Variants in ADGRG4 observed in about 807,000 individuals in gnomAD.
ADGRG4 encodes G protein-coupled receptor 112.
In ADGRG4, 122 loss-of-function variants were observed where a neutral mutation model predicts 126.2. The observed-to-expected ratio is 0.97, with a 90% CI of 0.83 to 1.12. The LOEUF is 1.12. ADGRG4 is among the 50% of genes most tolerant of loss of function. The probability of loss-of-function intolerance (pLI) is 0.00; values close to 1 mark genes in which losing one functional copy is unlikely to be tolerated. For missense variants in ADGRG4, 2,481 were observed against 2,251.8 expected, an observed-to-expected ratio of 1.10 and a Z score of -2.06; for synonymous variants, 943 against 838.7, an observed-to-expected ratio of 1.12 and a Z score of -2.15.
In ADGRG4 at chrX:136,388,586, G is replaced by A. The variant is rs144831785; in HGVS notation, c.7911+712G>A. The stretch of plus-strand genomic sequence containing the variant: ...GTGTATTTAAAGTGCTTACAATACC[G>A]CTTGGCACATAAGTACCATGTTAAG... On this transcript the variant is annotated intron_variant, in intron 16 of 25. Coordinates refer to ENST00000394143, the MANE Select transcript of ADGRG4 (RefSeq NM_153834.4). Among the ~76,000 whole-genome samples the A allele has an allele frequency of 3.1e-3, 350 of 111,800 alleles. 1 individual carries two copies. Among genetic ancestry groups the A allele is most frequent in the African/African-American group, 0.011 (338 of 30,805 alleles).
intron 21 of ADGRG4, among the ~76,000 whole-genome samples, chrX:136,400,758 G>A (rs1195806347): frequency 8.9e-6 from 1 of 112,296 alleles, no homozygotes; most frequent in East Asian, 2.8e-4. Context: ...CACACCTCAT[G>A]ACTGTGATGA....
intron 15 of ADGRG4, among the ~76,000 whole-genome samples, chrX:136,375,109 C>A (rs2075217907): frequency 9.0e-6 from 1 of 111,146 alleles, no homozygotes; most frequent in South Asian, 3.9e-4. Flanking sequence ...AGTCTAGCTC[C>A]TACTTATAAG....
rs141007231 is a variant in ADGRG4, at chrX:136,345,738, C to T, written c.2032C>T (p.Pro678Ser). 4.1e-6 allele frequency: 5 copies of T among 1,209,482 alleles called. No individual in the cohort carries two copies. The African/African-American group carries it at 7.0e-5, about 17-fold the overall frequency. The change falls in exon 6 of 26, where the codon CCT becomes TCT. Residue 678 changes from proline (P) to serine (S), a missense_variant. Coordinates refer to ENST00000394143, the MANE Select transcript of ADGRG4 (RefSeq NM_153834.4). The part of the protein sequence containing the change: ...MNTTTILTFV[P>S]NENFTSAFHE... Reference sequence around the variant, plus strand: ...CACAACCACCATACTCACATTTGTGCCTAATGAAAATTTTACATCAGCATT... The same window carrying T: ...CACAACCACCATACTCACATTTGTGTCTAATGAAAATTTTACATCAGCATT...
Position 136,348,152 on chromosome X carries a change from C to T in ADGRG4, c.4446C>T (p.Ser1482=), listed in dbSNP as rs188598421. The change falls in exon 6 of 26, where the codon TCC becomes TCT. Residue 1482 remains serine (S), a synonymous_variant. Transcript: ENST00000394143. ...GLYNDGFTVL[S]DRITTAFSVP... ...ATAATGACGGTTTTACAGTTCTCTC[C>T]GACAGGATCACTACAGCCTTTTCTG... 2.9e-5 allele frequency: 35 copies of T among 1,207,580 alleles called. No individual in the cohort carries two copies. Among genetic ancestry groups the T allele is most frequent in the Non-Finnish European group, 3.8e-5 (34 of 893,242 alleles).
Position 136,335,499 on chromosome X carries a change from G to T in ADGRG4, c.686-8893G>T, listed in dbSNP as rs542692983. 2.0e-4 allele frequency among the ~76,000 whole-genome samples: 22 copies of T among 110,979 alleles called. No homozygotes were observed. In the East Asian group the frequency reaches 5.4e-3, roughly 27 times the overall value. On this transcript the variant is annotated intron_variant, in intron 5 of 25. Transcript: ENST00000394143. ...TCCAGTGAAATCATGTGGGCCTGGA[G>T]ATTATTTTGTGAAGGCTTTTAAATT... is the stretch of plus-strand genomic sequence containing the variant.
intron 24 of ADGRG4, among the ~76,000 whole-genome samples, chrX:136,413,105 T>C (rs1603301586): frequency 9.1e-6 from 1 of 110,259 alleles, no homozygotes; most frequent in Non-Finnish European, 1.9e-5. Context: ...TTTTTTATTA[T>C]ACTTTAAGTT....
rs1569330659 is a variant in ADGRG4, at chrX:136,371,504, C to T, written c.7573C>T (p.Gln2525Ter). 1 of 1,194,385 alleles carries T rather than the reference C, an allele frequency of 8.4e-7. No homozygotes were observed. The highest frequency in any genetic ancestry group is 1.1e-6 in the Non-Finnish European group (1 of 884,629). ...LQIINVVLEK[Q>*]NNSASDLHEI... is the part of the protein sequence containing the mutation. ...AATAATCAACGTTGTTTTGGAAAAG[C>T]AAAACAATTCCGCCTCTGATCTGCA... Residue 2525 changes from glutamine (Q) to a stop codon, truncating the protein, a stop_gained, in exon 14 of 26, where the codon CAA (glutamine) becomes TAA (stop). Coordinates refer to ENST00000394143, the MANE Select transcript of ADGRG4 (RefSeq NM_153834.4). LOFTEE classifies it high-confidence loss of function.
intron 16 of ADGRG4, among the ~76,000 whole-genome samples, chrX:136,389,060 C>G (rs1472340200): frequency 8.9e-6 from 1 of 111,817 alleles, no homozygotes; most frequent in Non-Finnish European, 1.9e-5. Context: ...CACGCCACCT[C>G]AAATATACCA....
chrX:136,403,169 C>G (rs1487342379), intron 21 of ADGRG4, 75 bp from the exon 22 acceptor site: 1 of 734,905 alleles, frequency 1.4e-6, no homozygotes, highest in African/African-American at 2.1e-5. Flanking sequence ...CTTAATGTAT[C>G]ATCACCCACA....
intron 18 of ADGRG4, among the ~76,000 whole-genome samples, chrX:136,394,485 A>G (rs2075336091): frequency 8.9e-6 from 1 of 111,925 alleles, no homozygotes; most frequent in African/African-American, 3.3e-5. Context: ...TCGGCTCCCT[A>G]GAGTATAAGA....
intron 10 of ADGRG4, among the ~76,000 whole-genome samples, chrX:136,358,947 G>T (rs1205278191): frequency 1.8e-5 from 2 of 111,973 alleles, no homozygotes; most frequent in African/African-American, 3.2e-5. Context: ...AGAATAAAAG[G>T]TTCTCTCTGA....
chrX:136,315,392 C>T (rs887905066), intron 4 of ADGRG4, among the ~76,000 whole-genome samples: 1 of 111,203 alleles, frequency 9.0e-6, no homozygotes, highest in Non-Finnish European at 1.9e-5. Flanking sequence ...ACTCCCTCCT[C>T]AAGTGAGTAT....
At position 136,323,157 on chromosome X, in the gene ADGRG4, C is replaced by A; in HGVS notation, c.450C>A (p.His150Gln). The A allele has an allele frequency of 8.3e-7, 1 of 1,211,793 alleles. No homozygotes were observed. Among genetic ancestry groups the A allele is most frequent in the Non-Finnish European group, 1.1e-6 (1 of 895,436 alleles). Residue 150 changes from histidine to glutamine, a missense_variant, in exon 5 of 26, where the codon CAC becomes CAA. By Grantham distance (24) the His-to-Gln change is conservative (BLOSUM62 0). Transcript: ENST00000394143. ...ERILEVTDQP[H>Q]NLTPHGTLFL... ...TACTGGAAGTAACGGATCAACCACA[C>A]AACCTGACACCTCATGGGACTCTGT...
intron 15 of ADGRG4, among the ~76,000 whole-genome samples, chrX:136,385,464 G>C (rs1313394626): frequency 9.0e-6 from 1 of 111,552 alleles, no homozygotes; most frequent in East Asian, 2.8e-4. Context: ...TGTTTTGTTT[G>C]TTTCTGTTTC....
At chrX:136,304,293 A>T (rs1304791431) in intron 2 of ADGRG4, 86 bp downstream of exon 2, 1 of 111,664 alleles carries the variant, frequency 9.0e-6, no homozygotes, top group African/African-American at 3.3e-5. Context: ...CATTTGTGCT[A>T]TGTTGGATTT....
intron 15 of ADGRG4, among the ~76,000 whole-genome samples, chrX:136,381,767 T>C (rs1035833747): frequency 9.0e-6 from 1 of 110,956 alleles, no homozygotes; most frequent in African/African-American, 3.3e-5. Context: ...GGTCCCACAA[T>C]AGGCTGTCTG....
chrX:136,317,374 C>T (rs2074811334), intron 4 of ADGRG4, among the ~76,000 whole-genome samples: 1 of 108,155 alleles, frequency 9.2e-6, no homozygotes, highest in South Asian at 4.1e-4. Flanking sequence ...GTGGTACATG[C>T]CTGTATTCCC....
At chrX:136,340,827 C>A (rs2074974541) in intron 5 of ADGRG4, among the ~76,000 whole-genome samples, 1 of 111,725 alleles carries the variant, frequency 9.0e-6, no homozygotes. Flanking sequence ...AATATAATCT[C>A]CAAGTCCTGG....
At chrX:136,403,655 T>C (rs1398681045) in intron 22 of ADGRG4, among the ~76,000 whole-genome samples, 18 of 112,288 alleles carry the variant, frequency 1.6e-4, no homozygotes, top group Non-Finnish European at 3.4e-4. Flanking sequence ...AACTGGCAGG[T>C]ATTATGATTA....
Sources: allele counts gnomAD v4.1 joint callset (sites outside exome capture counted in the v4.1 genomes callset), GRCh38; gene constraint gnomAD v4.1.1; transcripts MANE v1.5; gene names NCBI Gene and HGNC (gene_info 2026-07-23, HGNC 2026-07-21).